Variants in EFCAB13 observed in about 807,000 individuals in gnomAD.
EFCAB13 encodes EF-hand calcium-binding domain-containing protein 13.
Under a neutral mutation model 110.2 loss-of-function variants are expected in EFCAB13, and 91 were observed. That is an observed-to-expected ratio of 0.83 (90% confidence interval 0.70 to 0.98). The LOEUF is 0.98. Ranked by LOEUF, EFCAB13 falls within the 50% of genes least tolerant of loss-of-function variation. The pLI is 0.00. For synonymous variants in EFCAB13, 323 were observed against 369.9 expected (o/e 0.87, Z 1.45); for missense variants, 968 against 1,119.4 (o/e 0.86, Z 1.93).
chr17:47,406,151 C>T (rs1469253388), intron 20 of EFCAB13, among the ~76,000 whole-genome samples: 1 of 152,110 alleles, frequency 6.6e-6, no homozygotes, highest in African/African-American at 2.4e-5. Flanking sequence ...CTCATTCTGT[C>T]GCCTCGGCTG....
At chr17:47,329,405 G>A (rs2065306771) in intron 4 of EFCAB13, among the ~76,000 whole-genome samples, 1 of 152,054 alleles carries the variant, frequency 6.6e-6, no homozygotes, top group Admixed American at 6.6e-5. Flanking sequence ...TTAAAGATCT[G>A]ACGCTACTGT....
chr17:47,375,065 C>T (rs1341428246), intron 12 of EFCAB13, 99 bp downstream of exon 12: 1 of 1,252,352 alleles, frequency 8.0e-7, no homozygotes, highest in Non-Finnish European at 1.1e-6. Context: ...TTGTTAACAC[C>T]CTGGGTAACC....
intron 23 of EFCAB13, among the ~76,000 whole-genome samples, chr17:47,420,872 GC>G (rs1477723185): frequency 2.1e-5 from 1 of 47,254 alleles, no homozygotes; most frequent in East Asian, 6.3e-4. Context: ...GGGGGGGTCA[GC>G]CCCCCGCCCG....
In EFCAB13 at chr17:47,396,032, C is replaced by T. The variant is rs1007060100; in HGVS notation, c.1945+55C>T. On this transcript the variant is annotated intron_variant, in intron 17 of 24. Transcript: ENST00000331493. ...GTATACCAAGATATTACTTTATTTT[C>T]TGTCAACTCTTGTCATTGTATCTTG... The T allele has an allele frequency of 1.1e-4, 159 of 1,453,046 alleles. 2 individuals carry two copies. The African/African-American group carries it at 2.0e-3, about 18-fold the overall frequency. 90.0% of individuals were successfully genotyped at this position (1,453,046 alleles called of 1,614,324 possible).
intron 4 of EFCAB13, among the ~76,000 whole-genome samples, chr17:47,328,621 G>A (rs933232681): frequency 6.6e-6 from 1 of 152,138 alleles, no homozygotes; most frequent in Non-Finnish European, 1.5e-5. Flanking sequence ...TTTTGGTGGG[G>A]TACGGACCTG....
chr17:47,351,253 C>A (rs533825789), intron 9 of EFCAB13, among the ~76,000 whole-genome samples: 25 of 146,128 alleles, frequency 1.7e-4, no homozygotes, highest in Non-Finnish European at 3.0e-4. Context: ...TTATTTCATT[C>A]TTTTCTGTGG....
intron 14 of EFCAB13, among the ~76,000 whole-genome samples, chr17:47,385,063 G>A (rs570182595): frequency 2.0e-5 from 3 of 152,224 alleles, no homozygotes; most frequent in East Asian, 1.9e-4. Context: ...GAGCCACCAC[G>A]CTCAGCCAAC....
chr17:47,397,783 C>A (rs1056605944), intron 17 of EFCAB13, among the ~76,000 whole-genome samples: 7 of 151,856 alleles, frequency 4.6e-5, no homozygotes, highest in African/African-American at 1.7e-4. Flanking sequence ...TGGCAACCGC[C>A]CGTCTGAGAA....
At position 47,440,311 on chromosome 17, in the gene EFCAB13, AG is replaced by A. The variant is rs1218146992; in HGVS notation, c.2639-119del. 3.0e-5 allele frequency: 29 copies of A among 974,102 alleles called. No individual in the cohort carries two copies. The African/African-American group carries it at 3.0e-4, about 10-fold the overall frequency. 60.3% of individuals were successfully genotyped at this position (974,102 alleles called of 1,614,324 possible). ...ATGCAAGAGGTAAGGGAGAAGAAAT[AG>A]CCCAGCCTTACTCTCAAGCTTTTAA... On this transcript the variant is annotated intron_variant, in intron 24 of 24. Transcript: ENST00000331493.
chr17:47,394,724 T>C (rs768039509), intron 16 of EFCAB13, among the ~76,000 whole-genome samples: 5 of 152,200 alleles, frequency 3.3e-5, no homozygotes, highest in African/African-American at 4.8e-5. Context: ...AGATTTTAAG[T>C]AGCAGCTCTT....
chr17:47,389,738 G>A (rs1319338600), intron 14 of EFCAB13, among the ~76,000 whole-genome samples: 3 of 152,126 alleles, frequency 2.0e-5, no homozygotes, highest in Admixed American at 6.6e-5. Flanking sequence ...GGTATTGGAT[G>A]TATAGAAGCT....
intron 6 of EFCAB13, 82 bp downstream of exon 6, chr17:47,342,114 A>C: frequency 4.0e-6 from 3 of 750,796 alleles, no homozygotes; most frequent in Non-Finnish European, 6.6e-6. Context: ...TTTTTAGTCC[A>C]AGTGTTGAAA....
intron 20 of EFCAB13, among the ~76,000 whole-genome samples, chr17:47,407,404 A>G (rs1027677398): frequency 1.3e-5 from 2 of 152,170 alleles, no homozygotes; most frequent in Non-Finnish European, 2.9e-5. Flanking sequence ...AAATGGCCAC[A>G]TGTGACTGGT....
At chr17:47,329,161 C>G (rs535049245) in intron 4 of EFCAB13, 1 of 151,852 alleles carries the variant, frequency 6.6e-6, no homozygotes, top group Non-Finnish European at 1.5e-5. Flanking sequence ...TAATTTATGA[C>G]GCAAAGAAAG....
At chr17:47,400,172 G>A (rs1448408523) in intron 17 of EFCAB13, among the ~76,000 whole-genome samples, 1 of 151,878 alleles carries the variant, frequency 6.6e-6, no homozygotes, top group Non-Finnish European at 1.5e-5. Context: ...TTTTCTTTTC[G>A]GCTTGGCAGC....
rs768697840 is a variant in EFCAB13, at chr17:47,429,792, C to T, written c.2495-26C>T. The T allele has an allele frequency of 1.2e-5, 18 of 1,561,486 alleles. No individual in the cohort carries two copies. The Admixed American group carries it at 3.0e-4, about 26-fold the overall frequency. ...ATATGCTCTATTTCTGCTGTTGAAA[C>T]ATTTGCTTTTGCTCTCCTTTTGCAG... On this transcript the variant is annotated intron_variant, in intron 23 of 24. Transcript: ENST00000331493.
At chr17:47,420,279 C>T (rs561650090) in intron 23 of EFCAB13, among the ~76,000 whole-genome samples, 8 of 152,320 alleles carry the variant, frequency 5.3e-5, no homozygotes, top group East Asian at 3.9e-4. Context: ...AGTGCAGTGG[C>T]GTGATCTCGG....
At chr17:47,363,762 T>C (rs1408911872) in intron 10 of EFCAB13, among the ~76,000 whole-genome samples, 2 of 152,204 alleles carry the variant, frequency 1.3e-5, no homozygotes, top group East Asian at 3.8e-4. Flanking sequence ...TGAGTGGGCT[T>C]CCACTAGTTT....
rs1319825215 is a variant in EFCAB13, at chr17:47,402,160, T to G, written c.1974T>G (p.Phe658Leu). 1 of 1,614,002 alleles carries G rather than the reference T, an allele frequency of 6.2e-7. No homozygotes were observed. Among genetic ancestry groups the G allele is most frequent in the East Asian group, 2.2e-5 (1 of 44,820 alleles). ...DEGDKVQFEE[F>L]AKVVRNMRDA... ...GTGACAAAGTACAATTTGAAGAATT[T>G]GCAAAAGTAGTAAGGAATATGCGTG... The change falls in exon 18 of 25, where the codon TTT becomes TTG. Residue 658 changes from phenylalanine (F) to leucine (L), a missense_variant. Phe to Leu is a conservative substitution (Grantham distance 22, BLOSUM62 0). Coordinates refer to ENST00000331493, the MANE Select transcript of EFCAB13 (RefSeq NM_152347.5).
Sources: gnomAD v4.1 joint callset for allele counts (sites outside exome capture counted in the v4.1 genomes callset) on GRCh38, gnomAD v4.1.1 for gene constraint, MANE v1.5 for transcripts, NCBI Gene and HGNC (gene_info 2026-07-23, HGNC 2026-07-21) for gene names.